SMPD4: variants seen among roughly 807,000 people sequenced by gnomAD.
SMPD4 encodes sphingomyelin phosphodiesterase 4, also known as neutral sphingomyelinase 3.
Under a neutral mutation model 97.8 loss-of-function variants are expected in SMPD4, and 58 were observed. The observed-to-expected ratio is 0.59, with a 90% CI of 0.48 to 0.74. SMPD4 has a LOEUF of 0.74. Among genes scored for constraint, SMPD4 ranks in the 30% least tolerant of loss-of-function variants. SMPD4 has a pLI of 0.00. For synonymous variants in SMPD4, 388 were observed against 450.0 expected (o/e 0.86, Z 1.74); for missense variants, 853 against 1,080.5 (o/e 0.79, Z 2.95).
At chr2:130,176,701 T>G in intron 1 of SMPD4, 64 bp from the exon 2 acceptor site, 1 of 1,376,610 alleles carries the variant, frequency 7.3e-7, no homozygotes, top group Non-Finnish European at 1.0e-6. Flanking sequence ...TATATTATTT[T>G]TTTAGAGACA....
intron 1 of SMPD4, 146 bp from the exon 2 acceptor site, chr2:130,176,783 G>T (rs1040006758): frequency 1.1e-5 from 7 of 628,630 alleles, no homozygotes; most frequent in Non-Finnish European, 2.0e-5. Context: ...AAACTCCTGG[G>T]TTCAAGCAAT....
rs1342809530 is a variant in SMPD4 at position 130,172,447 on chromosome 2, C to T, written c.561G>A (p.Leu187=). 1 of 1,612,236 alleles carries T rather than the reference C, an allele frequency of 6.2e-7. No individual in the cohort carries two copies. The highest frequency in any genetic ancestry group is 1.7e-5 in the Admixed American group (1 of 59,850). The change falls in exon 8 of 20, where the codon CTG becomes CTA. Residue 187 remains leucine (L), a synonymous_variant. Coordinates refer to ENST00000680298, the MANE Select transcript of SMPD4 (RefSeq NM_017951.5). ...GGAACCATGACAGGTACCTGTCCAC[C>T]AGGATGAAATAGGCACAGTCTGAAG... ...VRTSDCAYFI[L]VDRYLSWFLP... is the part of the protein sequence containing the mutation.
intron 10 of SMPD4, among the ~76,000 whole-genome samples, chr2:130,163,452 C>T (rs934046494): frequency 2.0e-5 from 3 of 152,230 alleles, no homozygotes; most frequent in African/African-American, 7.2e-5. Flanking sequence ...AGCAGACCCA[C>T]AGCTCTTTGC....
intron 1 of SMPD4, 89 bp downstream of exon 1, chr2:130,181,441 T>C: frequency 6.6e-7 from 1 of 1,521,968 alleles, no homozygotes. Flanking sequence ...GTCCTGGGGC[T>C]CGCGGAGGAA....
At chr2:130,181,752 C>T (rs372838290), upstream of SMPD4, 873 of 1,548,328 alleles carry the variant, frequency 5.6e-4, 8 homozygotes, top group South Asian at 9.9e-3. Flanking sequence ...AGGGAGTGGT[C>T]CTTAGCTGAA....
chr2:130,170,297 C>T (rs1018972460), intron 8 of SMPD4, among the ~76,000 whole-genome samples: 1 of 151,686 alleles, frequency 6.6e-6, no homozygotes, highest in Admixed American at 6.6e-5. Context: ...GATCAGTCTG[C>T]TCAACATGGT....
chr2:130,152,735 C>G lies in SMPD4; in HGVS notation c.2304G>C (p.Arg768Ser). 2 of 1,590,110 alleles carry G rather than the reference C, an allele frequency of 1.3e-6. No individual in the cohort carries two copies. The highest frequency in any genetic ancestry group is 2.3e-5 in the East Asian group (1 of 43,778). The change falls in exon 20 of 20, where the codon AGG becomes AGC. Residue 768 changes from arginine to serine, a missense_variant. Around this residue, in one of 3 missense-constraint regions of SMPD4, gnomAD observed 511 missense variants for 608.1 expected, o/e 0.84. Transcript: ENST00000680298. ...RQVAGHTRGP[R>S]LSLRFLGSYR... ...AACTGCCCAGGAAGCGCAGGCTGAG[C>G]CTGGGGCCGCGGGTGTGGCCGGCCA...
chr2:130,154,109 G>A (rs1348284630), intron 16 of SMPD4, 168 bp downstream of exon 16: 11 of 1,113,000 alleles, frequency 9.9e-6, no homozygotes, highest in Non-Finnish European at 1.4e-5. Flanking sequence ...AAGAAACACT[G>A]CCTTCGTTAT....
chr2:130,171,924 C>A (rs1248459116), intron 8 of SMPD4, among the ~76,000 whole-genome samples: 1 of 152,250 alleles, frequency 6.6e-6, no homozygotes, highest in East Asian at 1.9e-4. Flanking sequence ...TCAGGCTCAG[C>A]CTGTTTGGAC....
Position 130,153,117 on chromosome 2 carries a change from G to A in SMPD4, c.2080C>T (p.Gln694Ter), listed in dbSNP as rs1357690416. Residue 694 changes from glutamine to a stop codon, truncating the protein, a stop_gained, in exon 19 of 20, where the codon CAG becomes TAG. Transcript: ENST00000680298. LOFTEE classifies it high-confidence loss of function. ...EIEYQGDPEL[Q>*]PIRSYEIASL... ...GCGATCTCATAGCTCCGGATGGGCT[G>A]CAGCTCCGGGTCCCCCTGGTACTCA... The A allele has an allele frequency of 3.1e-6, 5 of 1,613,848 alleles. No homozygotes were observed. Among genetic ancestry groups the A allele is most frequent in the Non-Finnish European group, 4.2e-6 (5 of 1,180,008 alleles).
intron 8 of SMPD4, among the ~76,000 whole-genome samples, chr2:130,168,466 A>G (rs1688132922): frequency 6.6e-6 from 1 of 152,144 alleles, no homozygotes; most frequent in Non-Finnish European, 1.5e-5. Context: ...TCAAAAGTGG[A>G]TGTTAATACT....
chr2:130,164,880 T>TG (rs1163799652), intron 9 of SMPD4, among the ~76,000 whole-genome samples: 1 of 151,518 alleles, frequency 6.6e-6, no homozygotes, highest in Non-Finnish European at 1.5e-5. Context: ...CCGAGGTGGG[T>TG]GGGATTACCT....
intron 10 of SMPD4, among the ~76,000 whole-genome samples, chr2:130,162,857 G>C (rs1170136545): frequency 1.3e-5 from 2 of 152,200 alleles, no homozygotes; most frequent in Non-Finnish European, 2.9e-5. Flanking sequence ...GCATCTCTGG[G>C]TACTTGGTCC....
At chr2:130,164,483 A>G (rs1412122306) in intron 9 of SMPD4, 38 bp from the exon 10 acceptor site, 1 of 1,572,964 alleles carries the variant, frequency 6.4e-7, no homozygotes, top group East Asian at 2.2e-5. Context: ...CATTCTTGAC[A>G]ATGGTGTCAG....
Position 130,172,816 on chromosome 2 carries a change from G to T in SMPD4, c.425C>A (p.Thr142Asn). ...LYHNKVQFTPTGGLGLNLALN... is the reference protein window; with the variant it reads ...LYHNKVQFTPNGGLGLNLALN... ...GGCCAAGTTCAGACCAAGGCCCCCA[G>T]TAGGGGTGAACTGGACCTTGTTGTG... The change falls in exon 6 of 20, where the codon ACT becomes AAT. Residue 142 changes from threonine (T) to asparagine (N), a missense_variant. Physicochemically the swap from Thr to Asn is moderately conservative, Grantham distance 65. Around this residue, in one of 3 missense-constraint regions of SMPD4, gnomAD observed 313 missense variants for 402.2 expected, o/e 0.78. Transcript: ENST00000680298. 6.2e-7 allele frequency: 1 copy of T among 1,614,184 alleles called. No homozygotes were observed. Among genetic ancestry groups the T allele is most frequent in the Non-Finnish European group, 8.5e-7 (1 of 1,180,028 alleles).
chr2:130,158,244 A>G, intron 11 of SMPD4: 1 of 1,288,822 alleles, frequency 7.8e-7, no homozygotes, highest in Non-Finnish European at 1.0e-6. Flanking sequence ...CCCGGGCGTC[A>G]CTTCCTCTGT....
chr2:130,171,156 G>A (rs1039810215), intron 8 of SMPD4, among the ~76,000 whole-genome samples: 1 of 143,964 alleles, frequency 6.9e-6, no homozygotes, highest in Non-Finnish European at 1.5e-5. Flanking sequence ...TTGTGTGTGT[G>A]TACAGTGGTG....
intron 11 of SMPD4, among the ~76,000 whole-genome samples, chr2:130,160,034 T>C (rs1687237511): frequency 6.6e-6 from 1 of 152,186 alleles, no homozygotes; most frequent in South Asian, 2.1e-4. Context: ...TCCTGGGCCA[T>C]GTTCCCACAT....
chr2:130,159,000 AG>A (rs1342642427), intron 11 of SMPD4, among the ~76,000 whole-genome samples: 1 of 151,998 alleles, frequency 6.6e-6, no homozygotes, highest in Non-Finnish European at 1.5e-5. Context: ...ATGGGGTGGG[AG>A]GCATTTTCTT....
Sources: allele counts gnomAD v4.1 joint callset (sites outside exome capture counted in the v4.1 genomes callset), GRCh38; gene constraint gnomAD v4.1.1; regional missense constraint gnomAD v4.1.1; transcripts MANE v1.5; gene names NCBI Gene and HGNC (gene_info 2026-07-23, HGNC 2026-07-21).